The following FSTL4 variants were observed in gnomAD, a reference collection of about 807,000 sequenced individuals.
The protein encoded by FSTL4 is follistatin like 4, also known as follistatin-related protein 4.
A neutral mutation model predicts 78.2 loss-of-function variants in FSTL4; 28 were observed. The observed-to-expected ratio is 0.36, with a 90% CI of 0.27 to 0.49. The LOEUF is 0.49. Ranked by LOEUF, FSTL4 falls within the 20% of genes least tolerant of loss-of-function variation. FSTL4 has a pLI of 0.98. For missense variants in FSTL4, 922 were observed against 1,084.9 expected (o/e 0.85, Z 2.11); for synonymous variants, 422 against 440.5 (o/e 0.96, Z 0.53).
At chr5:133,799,399 G>A in the FSTL4 span, among the ~76,000 whole-genome samples, 2 of 138,444 alleles carry the variant, frequency 1.4e-5, 1 homozygote, top group Admixed American at 1.5e-4. Flanking sequence ...ATCCCACGGT[G>A]CTCAGAGACT....
chr5:133,673,796 C>T, the FSTL4 span, among the ~76,000 whole-genome samples: 23 of 152,148 alleles, frequency 1.5e-4, no homozygotes, highest in African/African-American at 4.8e-4. Flanking sequence ...TAGAAGAAAC[C>T]GCAATTCAAA....
At chr5:133,696,240 G>A in the FSTL4 span, among the ~76,000 whole-genome samples, 1 of 152,196 alleles carries the variant, frequency 6.6e-6, no homozygotes, top group African/African-American at 2.4e-5. Flanking sequence ...GCTCACTCCT[G>A]GTTTTCAGGG....
chr5:133,265,779 TG>T (rs1186225172), intron 6 of FSTL4, among the ~76,000 whole-genome samples: 1 of 152,116 alleles, frequency 6.6e-6, no homozygotes, highest in Non-Finnish European at 1.5e-5. Context: ...ATGCTGGACC[TG>T]ATGCCACTGA....
chr5:133,265,969 C>A (rs990731899), intron 6 of FSTL4, among the ~76,000 whole-genome samples: 2 of 152,216 alleles, frequency 1.3e-5, no homozygotes, highest in African/African-American at 4.8e-5. Flanking sequence ...CCAAAAGGTA[C>A]TCTCCCTAGA....
At chr5:133,393,360 C>T (rs1294727353) in intron 4 of FSTL4, among the ~76,000 whole-genome samples, 3 of 152,160 alleles carry the variant, frequency 2.0e-5, no homozygotes, top group African/African-American at 4.8e-5. Flanking sequence ...TGAGGTCAGG[C>T]CCGGTGTTCT....
chr5:133,391,631 T>G (rs1467965411), intron 4 of FSTL4, among the ~76,000 whole-genome samples: 1 of 152,228 alleles, frequency 6.6e-6, no homozygotes, highest in Non-Finnish European at 1.5e-5. Flanking sequence ...AGTTTCTCTC[T>G]GCTTACTTAC....
chr5:133,788,090 C>T, the FSTL4 span, among the ~76,000 whole-genome samples: 1 of 152,172 alleles, frequency 6.6e-6, no homozygotes, highest in East Asian at 1.9e-4. Context: ...CAACACTCAA[C>T]AGAGGAACAC....
At chr5:133,667,494 G>A in the FSTL4 span, among the ~76,000 whole-genome samples, 2 of 152,044 alleles carry the variant, frequency 1.3e-5, no homozygotes, top group African/African-American at 4.8e-5. Context: ...TCCTTTAAAT[G>A]GTCCATAAGA....
chr5:133,370,998 T>G (rs1755286165), intron 4 of FSTL4, among the ~76,000 whole-genome samples: 1 of 152,152 alleles, frequency 6.6e-6, no homozygotes, highest in Non-Finnish European at 1.5e-5. Context: ...AGCTTGGACA[T>G]CAGGCCTGTG....
intron 3 of FSTL4, among the ~76,000 whole-genome samples, chr5:133,421,432 G>A (rs1309284820): frequency 6.6e-6 from 1 of 152,254 alleles, no homozygotes; most frequent in African/African-American, 2.4e-5. Flanking sequence ...CCACTGTCGG[G>A]GGACTCCCCT....
At chr5:133,589,621 C>A (rs1760582531) in intron 2 of FSTL4, among the ~76,000 whole-genome samples, 1 of 152,074 alleles carries the variant, frequency 6.6e-6, no homozygotes, top group African/African-American at 2.4e-5. Context: ...CATCTCTCCC[C>A]ACAGAAGGTC....
chr5:133,279,086 T>C (rs895053931), intron 6 of FSTL4, among the ~76,000 whole-genome samples: 12 of 152,214 alleles, frequency 7.9e-5, no homozygotes, highest in African/African-American at 2.9e-4. Flanking sequence ...CAAAAGAATG[T>C]CAGTTTCTAT....
intron 6 of FSTL4, among the ~76,000 whole-genome samples, chr5:133,284,924 G>A (rs569690603): frequency 1.2e-4 from 19 of 152,206 alleles, no homozygotes; most frequent in Non-Finnish European, 2.4e-4. Flanking sequence ...AGGGTGCTGT[G>A]AAAGGACTGG....
chr5:133,339,985 G>T (rs1754547778), intron 4 of FSTL4, among the ~76,000 whole-genome samples: 1 of 152,212 alleles, frequency 6.6e-6, no homozygotes. Context: ...AATCCTCCCA[G>T]TTCTCTCTTT....
chr5:133,298,140 G>T (rs1203381422), intron 6 of FSTL4, among the ~76,000 whole-genome samples: 1 of 152,202 alleles, frequency 6.6e-6, no homozygotes, highest in Non-Finnish European at 1.5e-5. Context: ...GTGCCTCTGG[G>T]CCTCATCTAT....
intron 4 of FSTL4, among the ~76,000 whole-genome samples, chr5:133,330,658 T>C (rs1478779997): frequency 6.6e-6 from 1 of 152,198 alleles, no homozygotes; most frequent in Non-Finnish European, 1.5e-5. Flanking sequence ...ATATATGGGA[T>C]AGAACTTAGA....
intron 6 of FSTL4, among the ~76,000 whole-genome samples, chr5:133,284,956 G>T (rs530534585): frequency 2.0e-5 from 3 of 152,336 alleles, no homozygotes; most frequent in East Asian, 1.9e-4. Flanking sequence ...GACCTAACGA[G>T]CAGGCAGAGG....
intron 3 of FSTL4, among the ~76,000 whole-genome samples, chr5:133,530,924 A>G (rs1759237652): frequency 6.6e-6 from 1 of 152,212 alleles, no homozygotes; most frequent in Non-Finnish European, 1.5e-5. Flanking sequence ...ACAGACTCTG[A>G]TATGGGATCT....
intron 6 of FSTL4, among the ~76,000 whole-genome samples, chr5:133,250,020 G>C (rs1267821767): frequency 1.3e-5 from 2 of 152,204 alleles, no homozygotes; most frequent in Admixed American, 6.5e-5. Context: ...ATCCATCTGG[G>C]GTCAGTTTTA....
Sources: gnomAD v4.1 joint callset for allele counts (sites outside exome capture counted in the v4.1 genomes callset) on GRCh38, gnomAD v4.1.1 for gene constraint, MANE v1.5 for transcripts, NCBI Gene and HGNC (gene_info 2026-07-23, HGNC 2026-07-21) for gene names.